IL1R1: variants seen among roughly 807,000 people sequenced by gnomAD.
IL1R1 encodes interleukin 1 receptor type 1.
IL1R1 carries 22 observed loss-of-function variants against 50.2 expected under a neutral mutation model. The ratio of observed to expected loss-of-function variants is 0.44; its 90% CI spans 0.31 to 0.63. IL1R1 has a LOEUF of 0.63. Ranked by LOEUF, IL1R1 falls within the 20% of genes least tolerant of loss-of-function variation. IL1R1 has a pLI of 0.07. For synonymous variants in IL1R1, 251 were observed against 236.7 expected (o/e 1.06, Z -0.55); for missense variants, 509 against 676.2 (o/e 0.75, Z 2.74).
At chr2:102,121,545 C>G (rs1443387742) in intron 1 of IL1R1, among the ~76,000 whole-genome samples, 2 of 152,278 alleles carry the variant, frequency 1.3e-5, no homozygotes, top group African/African-American at 4.8e-5. Context: ...CCCTCTAGCT[C>G]TACAGGAAGG....
chr2:102,107,192 C>T (rs960863571), intron 1 of IL1R1, among the ~76,000 whole-genome samples: 3 of 152,106 alleles, frequency 2.0e-5, no homozygotes, highest in South Asian at 2.1e-4. Context: ...TGCATGCACA[C>T]GTATGTTTAT....
chr2:102,098,838 G>A (rs10169494), intron 1 of IL1R1, among the ~76,000 whole-genome samples: 4,458 of 152,172 alleles, frequency 0.029, 220 homozygotes, highest in African/African-American at 0.099. Context: ...TTTAAAATTT[G>A]TACTAATGAG....
intron 1 of IL1R1, among the ~76,000 whole-genome samples, chr2:102,097,503 A>G (rs1488047991): frequency 6.6e-6 from 1 of 152,184 alleles, no homozygotes; most frequent in Non-Finnish European, 1.5e-5. Context: ...CAAGTCCCTC[A>G]TCTAGAAATA....
intron 1 of IL1R1, among the ~76,000 whole-genome samples, chr2:102,122,164 A>AG (rs1177290393): frequency 6.6e-6 from 1 of 152,238 alleles, no homozygotes; most frequent in East Asian, 1.9e-4. Context: ...TCCATCTCAC[A>AG]GGGGCCTGGC....
In IL1R1 at chr2:102,176,842, G is replaced by A; in HGVS notation, c.*83G>A. On this transcript the variant is annotated 3_prime_UTR_variant, in exon 12 of 12. Coordinates refer to ENST00000410023, the MANE Select transcript of IL1R1 (RefSeq NM_000877.4). Reference sequence around the variant, plus strand: ...AGGTTATGCCTCATGCTGACTTGCAGAGTTCATGGAATGTAACTATATCAT... The same window carrying A: ...AGGTTATGCCTCATGCTGACTTGCAAAGTTCATGGAATGTAACTATATCAT... 1 of 1,275,212 alleles carries A rather than the reference G, an allele frequency of 7.8e-7. No individual in the cohort carries two copies. Among genetic ancestry groups the A allele is most frequent in the South Asian group, 1.4e-5 (1 of 73,600 alleles). The allele number at this position is 1,275,212 out of a possible 1,614,324, so 79.0% of individuals were successfully genotyped here.
chr2:102,082,677 A>G (rs913520339), intron 1 of IL1R1, among the ~76,000 whole-genome samples: 2 of 152,172 alleles, frequency 1.3e-5, no homozygotes, highest in African/African-American at 4.8e-5. Flanking sequence ...TTATTGTGCC[A>G]TAGTATTTCT....
At chr2:102,161,521 C>A (rs548055682) in intron 3 of IL1R1, among the ~76,000 whole-genome samples, 4 of 152,062 alleles carry the variant, frequency 2.6e-5, no homozygotes, top group African/African-American at 7.2e-5. Context: ...CTTGTTCTAT[C>A]GGTCCTTGTG....
chr2:102,163,466 C>T (rs1302641289), intron 3 of IL1R1, among the ~76,000 whole-genome samples: 1 of 152,068 alleles, frequency 6.6e-6, no homozygotes, highest in Non-Finnish European at 1.5e-5. Flanking sequence ...CAAGTTCACT[C>T]ATCTTTTTTT....
upstream of IL1R1, chr2:102,142,403 G>T (rs953206050): frequency 1.3e-5 from 2 of 152,164 alleles, 1 homozygote; most frequent in Admixed American, 1.3e-4. Context: ...AACTCAATTC[G>T]CGGGTCGCAG....
At chr2:102,151,413 G>A (rs894039338) in intron 1 of IL1R1, among the ~76,000 whole-genome samples, 2 of 152,104 alleles carry the variant, frequency 1.3e-5, no homozygotes, top group Admixed American at 6.5e-5. Flanking sequence ...TGCAAAAATG[G>A]TGGGTAGGTA....
chr2:102,080,971 T>C (rs945426586), intron 1 of IL1R1, among the ~76,000 whole-genome samples: 22 of 152,176 alleles, frequency 1.4e-4, no homozygotes, highest in African/African-American at 5.3e-4. Context: ...AGCCCACACA[T>C]TGTATAATTC....
At chr2:102,145,511 A>G (rs1683042573) in intron 1 of IL1R1, among the ~76,000 whole-genome samples, 1 of 152,226 alleles carries the variant, frequency 6.6e-6, no homozygotes, top group Non-Finnish European at 1.5e-5. Context: ...ATGCACATCC[A>G]GGAGCTCACA....
chr2:102,164,817 T>C lies in IL1R1; in HGVS notation c.105T>C (p.Ser35=). Reference sequence around the variant, plus strand: ...AAGAAAAAATAATTTTAGTGTCATCTGCAAATGAAATTGATGTTCGTCCCT... The same window carrying C: ...AAGAAAAAATAATTTTAGTGTCATCCGCAAATGAAATTGATGTTCGTCCCT... ...EREEKIILVS[S]ANEIDVRPCP... is the part of the protein sequence containing the mutation. The change falls in exon 4 of 12, where the codon TCT becomes TCC. Residue 35 remains serine, a synonymous_variant. Coordinates refer to ENST00000410023, the MANE Select transcript of IL1R1 (RefSeq NM_000877.4). The C allele has an allele frequency of 6.2e-7, 1 of 1,614,076 alleles. No individual in the cohort carries two copies. The highest frequency in any genetic ancestry group is 8.5e-7 in the Non-Finnish European group (1 of 1,179,954).
intron 1 of IL1R1, among the ~76,000 whole-genome samples, chr2:102,105,310 G>A (rs368421375): frequency 1.5e-5 from 2 of 133,062 alleles, no homozygotes; most frequent in South Asian, 5.2e-4. Flanking sequence ...AGCTTCTACA[G>A]TGTTAGAGAG....
chr2:102,084,407 C>G lies in IL1R1; in HGVS notation c.-84+13874C>G, dbSNP rs142025863. Among the ~76,000 whole-genome samples, 95 of 152,232 alleles carry G rather than the reference C, an allele frequency of 6.2e-4. No homozygotes were observed. The East Asian group carries it at 9.6e-3, about 15-fold the overall frequency. On this transcript the variant is annotated intron_variant, in intron 1 of 11. Coordinates refer to the IL1R1 transcript ENST00000409929. ...CAGCCCTGTAATAATAGAGGTTGCT[C>G]GGAATCAACTCACAGTAGTAAAAAT...
chr2:102,075,989 G>T (rs1678939597), intron 1 of IL1R1, among the ~76,000 whole-genome samples: 1 of 152,124 alleles, frequency 6.6e-6, no homozygotes, highest in African/African-American at 2.4e-5. Flanking sequence ...TATGATATAA[G>T]AACTTTATAA....
At position 102,176,499 on chromosome 2, in the gene IL1R1, A is replaced by G. The variant is rs943347299; in HGVS notation, c.1450A>G (p.Lys484Glu). The G allele has an allele frequency of 1.2e-6, 2 of 1,614,258 alleles. No individual in the cohort carries two copies. The highest frequency in any genetic ancestry group is 1.7e-6 in the Non-Finnish European group (2 of 1,180,050). Residue 484 changes from lysine to glutamate, a missense_variant, in exon 12 of 12, where the codon AAA becomes GAA. Physicochemically the swap from Lys to Glu is moderately conservative, Grantham distance 56. Coordinates refer to ENST00000410023, the MANE Select transcript of IL1R1 (RefSeq NM_000877.4). ...MYNALVQDGI[K>E]VVLLELEKIQ... ...TAATGCTCTTGTTCAGGATGGAATT[A>G]AAGTTGTCCTGCTTGAGCTGGAGAA...
chr2:102,172,857 GA>G lies in IL1R1; in HGVS notation c.991+22del. On this transcript the variant is annotated intron_variant, in intron 9 of 11. Coordinates refer to ENST00000410023, the MANE Select transcript of IL1R1 (RefSeq NM_000877.4). ...TATCCAGGTAAACAACAAACTAATT[GA>G]AATGCAGTTTTGTTTTACTGTAGTA... 1 of 1,563,292 alleles carries G rather than the reference GA, an allele frequency of 6.4e-7. No homozygotes were observed. Among genetic ancestry groups the G allele is most frequent in the Non-Finnish European group, 8.7e-7 (1 of 1,144,840 alleles).
intron 1 of IL1R1, among the ~76,000 whole-genome samples, chr2:102,073,422 A>G (rs1248855513): frequency 1.3e-5 from 2 of 152,214 alleles, no homozygotes; most frequent in African/African-American, 4.8e-5. Context: ...TGGCCCCTGC[A>G]AAATGGAATA....
Sources: gnomAD v4.1 joint callset for allele counts (sites outside exome capture counted in the v4.1 genomes callset) on GRCh38, gnomAD v4.1.1 for gene constraint, MANE v1.5 for transcripts, NCBI Gene and HGNC (gene_info 2026-07-23, HGNC 2026-07-21) for gene names.